The following SCN8A variants were observed in gnomAD, a reference collection of about 807,000 sequenced individuals.
SCN8A encodes the protein sodium voltage-gated channel alpha subunit 8, also known as sodium channel protein type 8 subunit alpha.
SCN8A carries 30 observed loss-of-function variants against 184.1 expected under a neutral mutation model. The observed-to-expected ratio is 0.16, with a 90% CI of 0.12 to 0.22. The LOEUF is 0.22. Ranked by LOEUF, SCN8A falls within the 10% of genes least tolerant of loss-of-function variation. The pLI is 1.00. For missense variants in SCN8A, 1,057 were observed against 2,498.9 expected (o/e 0.42, Z 12.30); for synonymous variants, 852 against 907.0 (o/e 0.94, Z 1.09).
chr12:51,754,240 T>C (rs2138843231), intron 14 of SCN8A, among the ~76,000 whole-genome samples: 1 of 152,208 alleles, frequency 6.6e-6, no homozygotes, highest in East Asian at 1.9e-4. Flanking sequence ...TGCAACTAAC[T>C]GAATACAATA....
chr12:51,685,824 C>A (rs1941409973), intron 3 of SCN8A, among the ~76,000 whole-genome samples: 1 of 152,030 alleles, frequency 6.6e-6, no homozygotes, highest in South Asian at 2.1e-4. Flanking sequence ...ATCACTTGAG[C>A]CCAGGGCTTC....
At chr12:51,655,561 A>G (rs932572651) in intron 1 of SCN8A, among the ~76,000 whole-genome samples, 2 of 151,762 alleles carry the variant, frequency 1.3e-5, no homozygotes, top group African/African-American at 4.8e-5. Context: ...TTTTGTAGAG[A>G]TGGTATCTTC....
At chr12:51,654,245 C>T (rs1940776803) in intron 1 of SCN8A, among the ~76,000 whole-genome samples, 1 of 152,086 alleles carries the variant, frequency 6.6e-6, no homozygotes, top group Admixed American at 6.5e-5. Flanking sequence ...CTTTTGGTGT[C>T]ATGTCTAAGA....
intron 11 of SCN8A, among the ~76,000 whole-genome samples, chr12:51,709,816 G>A (rs1941844998): frequency 6.6e-6 from 1 of 152,072 alleles, no homozygotes; most frequent in Non-Finnish European, 1.5e-5. Context: ...AAATAGATGT[G>A]GTTTTTAACA....
intron 12 of SCN8A, among the ~76,000 whole-genome samples, chr12:51,727,781 G>A (rs550673395): frequency 6.6e-6 from 1 of 152,092 alleles, no homozygotes; most frequent in South Asian, 2.1e-4. Flanking sequence ...TGACCAACAT[G>A]GTAAAACCCT....
chr12:51,662,369 T>A (rs1320007772), intron 1 of SCN8A, among the ~76,000 whole-genome samples: 1 of 152,028 alleles, frequency 6.6e-6, no homozygotes, highest in African/African-American at 2.4e-5. Flanking sequence ...CTTTGGGGAG[T>A]GGAGCTTTAG....
At chr12:51,750,616 C>T (rs542588389) in intron 13 of SCN8A, among the ~76,000 whole-genome samples, 44 of 152,218 alleles carry the variant, frequency 2.9e-4, no homozygotes, top group African/African-American at 9.4e-4. Context: ...GTGGCTTGGT[C>T]GATGATGCTG....
At chr12:51,750,850 A>C (rs996827794) in intron 13 of SCN8A, among the ~76,000 whole-genome samples, 5 of 152,170 alleles carry the variant, frequency 3.3e-5, no homozygotes, top group Non-Finnish European at 7.3e-5. Context: ...ACAATAATTG[A>C]ATAATATAGT....
chr12:51,790,351 T>C (rs1938212311), intron 24 of SCN8A, 47 bp from the exon 25 acceptor site: 1 of 1,366,624 alleles, frequency 7.3e-7, no homozygotes, highest in South Asian at 1.3e-5. Flanking sequence ...ACCCATAGCA[T>C]GTTGAGAGCC....
intron 1 of SCN8A, among the ~76,000 whole-genome samples, chr12:51,622,515 C>A (rs1020326720): frequency 6.6e-6 from 1 of 152,108 alleles, no homozygotes; most frequent in Admixed American, 6.5e-5. Flanking sequence ...TTGTAGAACA[C>A]CCCTCAATTT....
intron 14 of SCN8A, 58 bp downstream of exon 14, chr12:51,751,651 A>G (rs560153309): frequency 7.7e-7 from 1 of 1,304,916 alleles, no homozygotes; most frequent in Middle Eastern, 1.9e-4. Context: ...CCTGTAGGAT[A>G]TCTTTTTCTG....
intron 8 of SCN8A, 113 bp from the exon 9 acceptor site, chr12:51,702,660 A>G (rs760680668): frequency 4.8e-6 from 4 of 830,680 alleles, no homozygotes; most frequent in African/African-American, 2.2e-5. Flanking sequence ...ATCAATGGTT[A>G]TTTATTATCT....
Position 51,749,498 on chromosome 12 carries a change from A to T in SCN8A, c.2132-1857A>T, listed in dbSNP as rs1041231142. On this transcript the variant is annotated intron_variant, in intron 13 of 26. Coordinates refer to ENST00000627620, the MANE Select transcript of SCN8A (RefSeq NM_001330260.2). ...TTCCAAATATGTACTGTAAGAATTT[A>T]TGGAAATAAGAGAACCTTGTCATTT... Among the ~76,000 whole-genome samples the T allele has an allele frequency of 2.0e-5, 3 of 152,206 alleles. No homozygotes were observed. In the East Asian group the frequency reaches 5.8e-4, roughly 29 times the overall value.
rs376144586 is a variant in SCN8A at position 51,759,544 on chromosome 12, T to A, written c.2371-2959T>A. 2.6e-5 allele frequency among the ~76,000 whole-genome samples: 4 copies of A among 152,166 alleles called. No individual in the cohort carries two copies. The East Asian group carries it at 7.7e-4, about 29-fold the overall frequency. ...GAATTGTTTTTCTAGAATTTTTTAT[T>A]TAATATTTTTGGACTGTAGTTGATG... On this transcript the variant is annotated intron_variant, in intron 14 of 26. Coordinates refer to ENST00000627620, the MANE Select transcript of SCN8A (RefSeq NM_001330260.2).
chr12:51,801,987 G>A (rs1592171704), intron 26 of SCN8A, among the ~76,000 whole-genome samples: 1 of 152,152 alleles, frequency 6.6e-6, no homozygotes, highest in Non-Finnish European at 1.5e-5. Flanking sequence ...CCCAGGAGGT[G>A]GAGGTTGCAG....
In SCN8A at chr12:51,713,275, A is replaced by G. The variant is rs939762755; in HGVS notation, c.1635+6560A>G. The G allele has an allele frequency of 8.7e-6, 10 of 1,154,482 alleles. No homozygotes were observed. The Admixed American group carries it at 1.7e-4, about 19-fold the overall frequency. The allele number at this position is 1,154,482 out of a possible 1,614,324, so 71.5% of individuals were successfully genotyped here. ...AGGCTTCACAGAATCCTCTCTAGAA[A>G]CAGCTCTCTTTGGTTCCACTACATG... On this transcript the variant is annotated intron_variant, in intron 11 of 26. Transcript: ENST00000627620.
intron 2 of SCN8A, among the ~76,000 whole-genome samples, chr12:51,679,263 A>G (rs1941283695): frequency 6.6e-6 from 1 of 151,984 alleles, no homozygotes; most frequent in Non-Finnish European, 1.5e-5. Flanking sequence ...AAAAGATAAG[A>G]CAAAATAGAA....
chr12:51,734,941 G>A (rs529660309), intron 12 of SCN8A, among the ~76,000 whole-genome samples: 1 of 152,328 alleles, frequency 6.6e-6, no homozygotes, highest in South Asian at 2.1e-4. Context: ...CCAGTTCCTG[G>A]CATTAAGGTC....
At position 51,751,430 on chromosome 12, in the gene SCN8A, A is replaced by T; in HGVS notation, c.2207A>T (p.His736Leu). The change falls in exon 14 of 27, where the codon CAC becomes CTC. Residue 736 changes from histidine (H) to leucine (L), a missense_variant. His to Leu is a moderately conservative substitution (Grantham distance 99, BLOSUM62 -3). Coordinates refer to ENST00000627620, the MANE Select transcript of SCN8A (RefSeq NM_001330260.2). ...AACACTTTCCTCATCTGGGAGTGCC[A>T]CCCCTACTGGATAAAACTGAAAGAG... ...FANTFLIWEC[H>L]PYWIKLKEIV... The T allele has an allele frequency of 6.2e-7, 1 of 1,613,908 alleles. No individual in the cohort carries two copies. Among genetic ancestry groups the T allele is most frequent in the Non-Finnish European group, 8.5e-7 (1 of 1,179,856 alleles).
Sources: allele counts gnomAD v4.1 joint callset (sites outside exome capture counted in the v4.1 genomes callset), GRCh38; gene constraint gnomAD v4.1.1; transcripts MANE v1.5; gene names NCBI Gene and HGNC (gene_info 2026-07-23, HGNC 2026-07-21).